Variants in AZIN1 observed in about 807,000 individuals in gnomAD.
AZIN1 encodes ornithine decarboxylase antizyme inhibitor.
A neutral mutation model predicts 47.4 loss-of-function variants in AZIN1; 12 were observed. The ratio of observed to expected loss-of-function variants is 0.25; its 90% CI spans 0.16 to 0.41. AZIN1 has a LOEUF of 0.41. AZIN1 is among the 10% of genes least tolerant of loss of function. AZIN1 has a pLI of 1.00. For synonymous variants in AZIN1, 155 were observed against 176.3 expected, an observed-to-expected ratio of 0.88 and a Z score of 0.96; for missense variants, 410 against 532.4, an observed-to-expected ratio of 0.77 and a Z score of 2.26.
At chr8:102,860,356 A>G (rs562585140) in intron 1 of AZIN1, among the ~76,000 whole-genome samples, 1 of 152,302 alleles carries the variant, frequency 6.6e-6, no homozygotes, top group Non-Finnish European at 1.5e-5. Context: ...TCTGCCTCTC[A>G]GATTCAAGCA....
chr8:102,864,181 G>A (rs968408967), upstream of AZIN1: 14 of 181,826 alleles, frequency 7.7e-5, no homozygotes, highest in South Asian at 1.3e-3. Context: ...CGGCGCCAGC[G>A]ACGCCAGTAT....
chr8:102,864,013 G>A lies in AZIN1; in HGVS notation c.-440C>T, dbSNP rs540166950. 1.9e-5 allele frequency: 3 copies of A among 157,120 alleles called. No individual in the cohort carries two copies. Among genetic ancestry groups the A allele is most frequent in the South Asian group, 3.5e-4 (2 of 5,650 alleles). 9.7% of individuals were successfully genotyped at this position (157,120 alleles called of 1,614,324 possible). A position where few individuals can be genotyped will look rare whatever the true frequency, so the allele number is the denominator to read the frequency against. On this transcript the variant is annotated 5_prime_UTR_variant, in exon 1 of 12. Coordinates refer to ENST00000337198, the MANE Select transcript of AZIN1 (RefSeq NM_148174.4). ...CCGAAGGAGAAATAGAACAGCGCAG[G>A]CAAAAGAAGAAAGGCGCGGGCTGGG... is the stretch of plus-strand genomic sequence containing the variant.
chr8:102,832,573 C>T (rs1811527619), intron 9 of AZIN1, among the ~76,000 whole-genome samples: 1 of 151,962 alleles, frequency 6.6e-6, no homozygotes. Flanking sequence ...ATCTAAAACA[C>T]ACGTATCTAA....
chr8:102,838,661 A>G (rs1811976191), intron 5 of AZIN1, 83 bp downstream of exon 5: 3 of 1,150,010 alleles, frequency 2.6e-6, no homozygotes, highest in Non-Finnish European at 3.7e-6. Context: ...CCTACCACAA[A>G]TGCTCCTTTC....
chr8:102,833,097 A>G lies in AZIN1; in HGVS notation c.863T>C (p.Ile288Thr). 2 of 1,613,108 alleles carry G rather than the reference A, an allele frequency of 1.2e-6. No individual in the cohort carries two copies. Among genetic ancestry groups the G allele is most frequent in the Non-Finnish European group, 1.7e-6 (2 of 1,179,248 alleles). The change falls in exon 9 of 12, where the codon ATA becomes ACA. Residue 288 changes from isoleucine to threonine, a missense_variant. Around this residue, in one of 3 missense-constraint regions of AZIN1, gnomAD observed 168 missense variants for 198.3 expected, o/e 0.85. Coordinates refer to ENST00000337198, the MANE Select transcript of AZIN1 (RefSeq NM_148174.4). ...SSAFTLAVNI[I>T]AKKVVENDKF... ...ATCATTTTCAACAACTTTCTTTGCTATGATATTAACTGCGAGTGTAAATGC... is the reference window on the plus strand; with the variant it reads ...ATCATTTTCAACAACTTTCTTTGCTGTGATATTAACTGCGAGTGTAAATGC...
intron 2 of AZIN1, among the ~76,000 whole-genome samples, chr8:102,848,893 A>G (rs761572237): frequency 6.6e-6 from 1 of 152,226 alleles, no homozygotes; most frequent in Non-Finnish European, 1.5e-5. Context: ...CAATATGTCA[A>G]ACCAAAAGTC....
intron 2 of AZIN1, among the ~76,000 whole-genome samples, chr8:102,856,588 AAAG>A (rs1386668268): frequency 3.3e-5 from 5 of 152,242 alleles, no homozygotes; most frequent in East Asian, 3.8e-4. Context: ...ACACGAATTA[AAAG>A]AAGGATTATC....
chr8:102,860,314 G>C lies in AZIN1; in HGVS notation c.-233-2164C>G, dbSNP rs190587899. ...GTCTCGCTCTGTCACCCAGGCTGGA[G>C]TGCAGTGGCGCGATCTTGGCTCACT... On this transcript the variant is annotated intron_variant, in intron 1 of 11. Coordinates refer to ENST00000337198, the MANE Select transcript of AZIN1 (RefSeq NM_148174.4). Among the ~76,000 whole-genome samples, 10 of 152,292 alleles carry C rather than the reference G, an allele frequency of 6.6e-5. No homozygotes were observed. The East Asian group carries it at 1.7e-3, about 26-fold the overall frequency.
At chr8:102,851,908 A>C (rs1586196026) in intron 2 of AZIN1, among the ~76,000 whole-genome samples, 1 of 152,174 alleles carries the variant, frequency 6.6e-6, no homozygotes, top group Non-Finnish European at 1.5e-5. Context: ...TTTAAGTAGC[A>C]CTGATCTAGG....
At chr8:102,850,210 C>A (rs182540771) in intron 2 of AZIN1, 2 of 152,246 alleles carry the variant, frequency 1.3e-5, no homozygotes, top group African/African-American at 2.4e-5. Context: ...AAGCAGGAAA[C>A]CCAACCTTAA....
rs114975322 is a variant in AZIN1 at position 102,840,703 on chromosome 8, T to C, written c.103-880A>G. 8.6e-3 allele frequency among the ~76,000 whole-genome samples: 1,314 copies of C among 152,328 alleles called. 17 individuals carry two copies. Among genetic ancestry groups the C allele is most frequent in the Middle Eastern group, 0.041 (12 of 294 alleles). ...AGAACATATATTACTCAGTGTTAGATAGCAGGCAAAAAAATCTTATTTAGG... is the reference window on the plus strand; with the variant it reads ...AGAACATATATTACTCAGTGTTAGACAGCAGGCAAAAAAATCTTATTTAGG... On this transcript the variant is annotated intron_variant, in intron 3 of 11. Transcript: ENST00000337198.
rs3808541 is a variant in AZIN1, at chr8:102,862,902, G to A, written c.-234+905C>T. ...CATTCAGGATACCGTGTAAGGGTTA[G>A]AACATGTTACCACCACCAACTGTTG... On this transcript the variant is annotated intron_variant, in intron 1 of 11. Coordinates refer to ENST00000337198, the MANE Select transcript of AZIN1 (RefSeq NM_148174.4). 1.2e-4 allele frequency among the ~76,000 whole-genome samples: 19 copies of A among 152,342 alleles called. No individual in the cohort carries two copies. In the East Asian group the frequency reaches 3.3e-3, roughly 26 times the overall value.
intron 7 of AZIN1, 93 bp downstream of exon 7, chr8:102,834,573 C>A: frequency 1.1e-6 from 1 of 928,956 alleles, no homozygotes; most frequent in South Asian, 1.6e-5. Flanking sequence ...TGAATGTAGT[C>A]AGAGTAATTC....
chr8:102,828,526 T>C lies in AZIN1; in HGVS notation c.*41A>G. ...ACACTGGAATGTTGACCAGACAAGC[T>C]TAACCTGCAACTTCAGATCTAAAGA... is the stretch of plus-strand genomic sequence containing the variant. On this transcript the variant is annotated 3_prime_UTR_variant, in exon 12 of 12. Transcript: ENST00000337198. 1.5e-6 allele frequency: 2 copies of C among 1,360,038 alleles called. 1 individual carries two copies. Among genetic ancestry groups the C allele is most frequent in the Middle Eastern group, 3.7e-4 (2 of 5,420 alleles). 84.2% of individuals were successfully genotyped at this position (1,360,038 alleles called of 1,614,324 possible).
intron 8 of AZIN1, 119 bp from the exon 9 acceptor site, chr8:102,833,337 G>C: frequency 2.3e-6 from 2 of 864,922 alleles, no homozygotes; most frequent in Non-Finnish European, 3.4e-6. Context: ...CACAGATCAT[G>C]AACCTTAGCA....
chr8:102,845,264 T>C (rs767384135), intron 2 of AZIN1, among the ~76,000 whole-genome samples: 26 of 152,192 alleles, frequency 1.7e-4, no homozygotes, highest in South Asian at 1.7e-3. Context: ...AAACAGTCCT[T>C]AATAAGCTGT....
rs1316801091 is a variant in AZIN1, at chr8:102,834,736, G to C, written c.596C>G (p.Ser199Trp). Residue 199 changes from serine to tryptophan, a missense_variant, in exon 7 of 12, where the codon TCG becomes TGG. Ser to Trp is a radical substitution (Grantham distance 177, BLOSUM62 -3). This residue lies in a region of AZIN1 where 237 missense variants were observed against 309.4 expected (regional missense o/e 0.77). Coordinates refer to ENST00000337198, the MANE Select transcript of AZIN1 (RefSeq NM_148174.4). ...VQIIGVKFHV[S>W]SACKESQVYV... Reference sequence around the variant, plus strand: ...TACTTGAGATTCTTTGCAAGCACTCGAAACATGAAATCTGAAACACATAGA... The same window carrying C: ...TACTTGAGATTCTTTGCAAGCACTCCAAACATGAAATCTGAAACACATAGA... 3 of 1,610,062 alleles carry C rather than the reference G, an allele frequency of 1.9e-6. No individual in the cohort carries two copies. The highest frequency in any genetic ancestry group is 2.5e-6 in the Non-Finnish European group (3 of 1,177,292).
intron 9 of AZIN1, chr8:102,830,284 G>C (rs1811353686): frequency 5.9e-6 from 1 of 168,106 alleles, no homozygotes; most frequent in African/African-American, 2.4e-5. Context: ...TACTTGGGAG[G>C]CTGAGGCACT....
At chr8:102,844,936 T>C (rs769248866) in intron 2 of AZIN1, among the ~76,000 whole-genome samples, 3 of 152,220 alleles carry the variant, frequency 2.0e-5, no homozygotes, top group Non-Finnish European at 4.4e-5. Flanking sequence ...ATCTTCTTTG[T>C]TGAACTTCAC....
Sources: gnomAD v4.1 joint callset for allele counts (sites outside exome capture counted in the v4.1 genomes callset) on GRCh38, gnomAD v4.1.1 for gene constraint, gnomAD v4.1.1 regional missense constraint, MANE v1.5 for transcripts, NCBI Gene and HGNC (gene_info 2026-07-23, HGNC 2026-07-21) for gene names.